The following DOK5 variants were observed in gnomAD, a reference collection of about 807,000 sequenced individuals.
DOK5 encodes docking protein 5.
A neutral mutation model predicts 43.3 loss-of-function variants in DOK5; 27 were observed. That is an observed-to-expected ratio of 0.62 (90% confidence interval 0.46 to 0.86). The LOEUF is 0.86. DOK5 is among the 40% of genes least tolerant of loss of function. DOK5 has a pLI of 0.00. For synonymous variants in DOK5, 146 were observed against 140.1 expected, an observed-to-expected ratio of 1.04 and a Z score of -0.30; for missense variants, 373 against 392.9, an observed-to-expected ratio of 0.95 and a Z score of 0.43.
At chr20:54,483,363 G>T (rs1182277680) in intron 1 of DOK5, among the ~76,000 whole-genome samples, 1 of 152,124 alleles carries the variant, frequency 6.6e-6, no homozygotes, top group Non-Finnish European at 1.5e-5. Flanking sequence ...TCTTCCATTT[G>T]TTTTATCATT....
At chr20:54,580,417 C>A (rs907469491) in intron 2 of DOK5, among the ~76,000 whole-genome samples, 1 of 151,356 alleles carries the variant, frequency 6.6e-6, no homozygotes, top group African/African-American at 2.4e-5. Flanking sequence ...TTTTGAGGAA[C>A]CTCCACACTC....
At chr20:54,547,696 T>A (rs1200187458) in intron 1 of DOK5, among the ~76,000 whole-genome samples, 1 of 152,084 alleles carries the variant, frequency 6.6e-6, no homozygotes, top group Non-Finnish European at 1.5e-5. Flanking sequence ...AGGCTGAAAA[T>A]TAGGTATAAT....
chr20:54,503,541 T>C (rs1982690117), intron 1 of DOK5, among the ~76,000 whole-genome samples: 2 of 152,202 alleles, frequency 1.3e-5, no homozygotes, highest in Non-Finnish European at 2.9e-5. Flanking sequence ...GTCATATGTG[T>C]GAATAGTTTT....
chr20:54,489,968 C>A (rs1982102553), intron 1 of DOK5, among the ~76,000 whole-genome samples: 1 of 152,138 alleles, frequency 6.6e-6, no homozygotes, highest in Non-Finnish European at 1.5e-5. Context: ...TCACATTAGG[C>A]CTGAGAGCCT....
At chr20:54,615,821 A>G (rs138027848) in intron 6 of DOK5, among the ~76,000 whole-genome samples, 5,062 of 152,086 alleles carry the variant, frequency 0.033, 125 homozygotes, top group Non-Finnish European at 0.047. Context: ...GAATTGTTTG[A>G]ACCTGGGAGG....
At chr20:54,629,991 T>C (rs771994134) in intron 6 of DOK5, among the ~76,000 whole-genome samples, 11 of 152,226 alleles carry the variant, frequency 7.2e-5, no homozygotes, top group Non-Finnish European at 1.6e-4. Context: ...TGTCAGACCC[T>C]GTAGCTATGA....
chr20:54,585,520 A>C (rs531544724), intron 2 of DOK5, among the ~76,000 whole-genome samples: 15 of 152,326 alleles, frequency 9.8e-5, no homozygotes, highest in Admixed American at 2.6e-4. Context: ...CTAGAGAGTC[A>C]GAATAAAGTT....
chr20:54,585,155 A>ATG (rs1696248235), intron 2 of DOK5, among the ~76,000 whole-genome samples: 1 of 151,528 alleles, frequency 6.6e-6, no homozygotes, highest in Non-Finnish European at 1.5e-5. Flanking sequence ...TGTGTTGTGT[A>ATG]TGTGTGTGTG....
At chr20:54,556,269 A>T (rs117789620) in intron 2 of DOK5, among the ~76,000 whole-genome samples, 3,526 of 152,294 alleles carry the variant, frequency 0.023, 52 homozygotes, top group Non-Finnish European at 0.034. Context: ...CCAATGGAGA[A>T]CCCACTTATA....
rs539027506 is a variant in DOK5 at position 54,546,343 on chromosome 20, T to C, written c.67-8590T>C. Among the ~76,000 whole-genome samples the C allele has an allele frequency of 2.6e-5, 4 of 152,274 alleles. No individual in the cohort carries two copies. The South Asian group carries it at 6.2e-4, about 24-fold the overall frequency. ...ATTTGCTTTGGAAAGTAAGTGCCAA[T>C]AGGAGTAGCACATGAGAACTGAGGC... On this transcript the variant is annotated intron_variant, in intron 1 of 7. Transcript: ENST00000262593.
At chr20:54,557,051 T>C (rs1459572250) in intron 2 of DOK5, among the ~76,000 whole-genome samples, 1 of 152,220 alleles carries the variant, frequency 6.6e-6, no homozygotes. Flanking sequence ...TCAAAATGTA[T>C]GGAGACTCTG....
intron 1 of DOK5, among the ~76,000 whole-genome samples, chr20:54,481,634 A>C (rs867559498): frequency 6.6e-5 from 10 of 152,180 alleles, no homozygotes; most frequent in African/African-American, 2.4e-4. Context: ...CTCTTCTTTA[A>C]TCATAGCTGT....
intron 1 of DOK5, among the ~76,000 whole-genome samples, chr20:54,477,291 G>A (rs1600645515): frequency 6.6e-6 from 1 of 152,336 alleles, no homozygotes; most frequent in East Asian, 1.9e-4. Flanking sequence ...GGGAAGCCCT[G>A]TGGGGAGGAA....
intron 1 of DOK5, among the ~76,000 whole-genome samples, chr20:54,513,333 T>C (rs1403869716): frequency 1.3e-5 from 2 of 152,144 alleles, no homozygotes. Flanking sequence ...CTTTTTATAT[T>C]CAGCCTGGGA....
At chr20:54,599,345 A>G (rs1040740838) in intron 5 of DOK5, among the ~76,000 whole-genome samples, 6 of 152,246 alleles carry the variant, frequency 3.9e-5, no homozygotes, top group African/African-American at 1.2e-4. Flanking sequence ...ATTTTCCTCA[A>G]AAATAATTTT....
At chr20:54,566,397 A>C (rs190426335) in intron 2 of DOK5, among the ~76,000 whole-genome samples, 1 of 152,342 alleles carries the variant, frequency 6.6e-6, no homozygotes, top group Non-Finnish European at 1.5e-5. Flanking sequence ...TGTTGAATGA[A>C]CATAAGTTGT....
At position 54,602,200 on chromosome 20, in the gene DOK5, G is replaced by A. The variant is rs79220959; in HGVS notation, c.600-8188G>A. Among the ~76,000 whole-genome samples, 1,270 of 152,258 alleles carry A rather than the reference G, an allele frequency of 8.3e-3. 19 individuals are homozygous for A. Among genetic ancestry groups the A allele is most frequent in the African/African-American group, 0.029 (1,211 of 41,538 alleles). On this transcript the variant is annotated intron_variant, in intron 5 of 7. Coordinates refer to ENST00000262593, the MANE Select transcript of DOK5 (RefSeq NM_018431.5). The stretch of plus-strand genomic sequence containing the variant: ...TCTAATTAAATGCTTATTTGATGCC[G>A]GATCCTTTGCTAAATACAAAATGCA...
intron 1 of DOK5, among the ~76,000 whole-genome samples, chr20:54,539,996 T>G (rs1425271698): frequency 6.6e-6 from 1 of 152,152 alleles, no homozygotes; most frequent in Non-Finnish European, 1.5e-5. Context: ...GCTGGCCTAT[T>G]ATGAGTGAAG....
chr20:54,584,560 A>C (rs1326630135), intron 2 of DOK5, among the ~76,000 whole-genome samples: 1 of 151,354 alleles, frequency 6.6e-6, no homozygotes, highest in Non-Finnish European at 1.5e-5. Flanking sequence ...CTTCTATATC[A>C]AAATTAAAAG....
Sources: allele counts gnomAD v4.1 joint callset (sites outside exome capture counted in the v4.1 genomes callset), GRCh38; gene constraint gnomAD v4.1.1; transcripts MANE v1.5; gene names NCBI Gene and HGNC (gene_info 2026-07-23, HGNC 2026-07-21).